Variants in ATP2C1 observed in about 807,000 individuals in gnomAD.
ATP2C1 encodes calcium-transporting ATPase type 2C member 1.
Under a neutral mutation model 120.5 loss-of-function variants are expected in ATP2C1, and 31 were observed. The ratio of observed to expected loss-of-function variants is 0.26; its 90% CI spans 0.19 to 0.35. The LOEUF (loss-of-function observed/expected upper bound fraction) is 0.35. Ranked by LOEUF, ATP2C1 falls within the 10% of genes least tolerant of loss-of-function variation. ATP2C1 has a pLI of 1.00. For missense variants in ATP2C1, 731 were observed against 1,107.5 expected, an observed-to-expected ratio of 0.66 and a Z score of 4.83; for synonymous variants, 351 against 358.7, an observed-to-expected ratio of 0.98 and a Z score of 0.24.
chr3:130,990,798 C>T (rs535879953), intron 20 of ATP2C1, among the ~76,000 whole-genome samples: 1 of 152,066 alleles, frequency 6.6e-6, no homozygotes, highest in Non-Finnish European at 1.5e-5. Context: ...CAACAAGATT[C>T]GCTGTCAAAC....
chr3:130,942,128 A>G (rs769509530), intron 8 of ATP2C1, among the ~76,000 whole-genome samples: 16 of 152,228 alleles, frequency 1.1e-4, no homozygotes, highest in Non-Finnish European at 2.2e-4. Context: ...CTCAGACCAC[A>G]TGGCTTTGGC....
At chr3:130,921,406 C>T (rs1370195731) in intron 2 of ATP2C1, among the ~76,000 whole-genome samples, 1 of 152,118 alleles carries the variant, frequency 6.6e-6, no homozygotes, top group Non-Finnish European at 1.5e-5. Context: ...TTACTACTTC[C>T]TTTCTGATTT....
intron 2 of ATP2C1, among the ~76,000 whole-genome samples, chr3:130,924,249 A>G (rs1427363418): frequency 6.6e-6 from 1 of 151,472 alleles, no homozygotes; most frequent in Non-Finnish European, 1.5e-5. Context: ...CAAGATTTAG[A>G]ACTTGTGGTG....
At position 130,868,049 on chromosome 3, in the gene ATP2C1, G is replaced by A. The variant is rs866253964; in HGVS notation, c.108+17121G>A. 1,182 of 148,920 alleles carry A rather than the reference G, an allele frequency of 7.9e-3. 7 individuals carry two copies. The highest frequency in any genetic ancestry group is 0.029 in the Middle Eastern group (8 of 280). 9.2% of individuals were successfully genotyped at this position (148,920 alleles called of 1,614,324 possible). ...CGTCTGAGAAGTGAGGAGCCCCTCC[G>A]TCCGGCAACCACCCCGTCTGGGAAG... On this transcript the variant is annotated intron_variant, in intron 1 of 26. Transcript: ENST00000504381.
chr3:130,991,112 C>G (rs2062319850), intron 20 of ATP2C1, among the ~76,000 whole-genome samples: 2 of 152,158 alleles, frequency 1.3e-5, no homozygotes, highest in African/African-American at 4.8e-5. Context: ...GAGAAAGGAA[C>G]TGAGCCCTGG....
rs185649080 is a variant in ATP2C1 at position 130,931,685 on chromosome 3, T to A, written c.118-337T>A. On this transcript the variant is annotated intron_variant, in intron 3 of 27. Transcript: ENST00000510168. ...TCTGCCTTTTTGTTTACATTTTTTT[T>A]AAAAAATCAATTTTGTTGAGATATA... Among the ~76,000 whole-genome samples the A allele has an allele frequency of 4.1e-3, 622 of 152,208 alleles. 2 individuals are homozygous for A. The highest frequency in any genetic ancestry group is 6.8e-3 in the Middle Eastern group (2 of 294).
chr3:130,888,813 G>A (rs2069066787), intron 1 of ATP2C1, among the ~76,000 whole-genome samples: 2 of 152,082 alleles, frequency 1.3e-5, no homozygotes, highest in African/African-American at 4.8e-5. Context: ...CTGATTTTTG[G>A]TTCTTGTGAT....
intron 2 of ATP2C1, chr3:130,918,359 T>A (rs1377338364): frequency 6.5e-7 from 1 of 1,545,688 alleles, no homozygotes; most frequent in Non-Finnish European, 8.9e-7. Context: ...TCCCACACTT[T>A]GCACATCGGA....
chr3:130,929,530 A>G (rs940041222), intron 2 of ATP2C1, among the ~76,000 whole-genome samples: 5 of 152,330 alleles, frequency 3.3e-5, no homozygotes, highest in African/African-American at 9.6e-5. Context: ...TCTGGGCAGT[A>G]AGATGATAAT....
chr3:130,872,383 A>G (rs571527728), intron 1 of ATP2C1, among the ~76,000 whole-genome samples: 1 of 152,300 alleles, frequency 6.6e-6, no homozygotes, highest in East Asian at 1.9e-4. Context: ...TTTTAGGTTT[A>G]GGACATATGT....
intron 18 of ATP2C1, among the ~76,000 whole-genome samples, chr3:130,978,236 A>T (rs2061611009): frequency 6.6e-6 from 1 of 152,070 alleles, no homozygotes; most frequent in Non-Finnish European, 1.5e-5. Context: ...TAGGTATATG[A>T]CTCTTACTTT....
At chr3:131,010,025 G>C (rs1001189597) in intron 26 of ATP2C1, among the ~76,000 whole-genome samples, 1 of 152,118 alleles carries the variant, frequency 6.6e-6, no homozygotes, top group Admixed American at 6.6e-5. Flanking sequence ...CAAACAGCAT[G>C]TGGTAGAGAG....
chr3:130,877,969 T>A (rs2068660792), intron 1 of ATP2C1, among the ~76,000 whole-genome samples: 1 of 151,930 alleles, frequency 6.6e-6, no homozygotes, highest in Non-Finnish European at 1.5e-5. Context: ...TAAAAAAGGA[T>A]GAGCTCATGT....
chr3:130,887,942 C>T lies in ATP2C1; in HGVS notation c.108+37014C>T, dbSNP rs570691691. On this transcript the variant is annotated intron_variant, in intron 1 of 26. Coordinates refer to the ATP2C1 transcript ENST00000504381. ...CCACAGCTGGCAATGTTCTGGGTCT[C>T]ACTTGAAGACACGTCTCAGAGTCTC... Among the ~76,000 whole-genome samples the T allele has an allele frequency of 2.0e-5, 3 of 152,332 alleles. No homozygotes were observed. In the East Asian group the frequency reaches 5.8e-4, roughly 29 times the overall value.
At chr3:130,875,001 A>T (rs564807991) in intron 1 of ATP2C1, among the ~76,000 whole-genome samples, 1 of 152,322 alleles carries the variant, frequency 6.6e-6, no homozygotes, top group South Asian at 2.1e-4. Context: ...TTTAGTTCAC[A>T]TGTAATAGTT....
rs1385460657 is a variant in ATP2C1 at position 130,998,329 on chromosome 3, A to G, written c.2427A>G (p.Thr809=). Residue 809 remains threonine (T), a synonymous_variant, in exon 26 of 28, where the codon ACA becomes ACG. Coordinates refer to ENST00000510168, the MANE Select transcript of ATP2C1 (RefSeq NM_001378687.1). ...ATGTGATTACACCTCGAGACACAACAATGACCTTCACATGCTTTGTGTTTT... is the reference window on the plus strand; with the variant it reads ...ATGTGATTACACCTCGAGACACAACGATGACCTTCACATGCTTTGTGTTTT... ...RDNVITPRDT[T]MTFTCFVFFD... is the part of the protein sequence containing the mutation. 6.2e-7 allele frequency: 1 copy of G among 1,613,072 alleles called. No homozygotes were observed. Among genetic ancestry groups the G allele is most frequent in the South Asian group, 1.1e-5 (1 of 91,070 alleles).
intron 2 of ATP2C1, among the ~76,000 whole-genome samples, chr3:130,926,483 GT>G: frequency 6.6e-6 from 1 of 152,344 alleles, no homozygotes; most frequent in South Asian, 2.1e-4. Flanking sequence ...CCCAGTATGT[GT>G]TAATATATGG....
intron 17 of ATP2C1, among the ~76,000 whole-genome samples, chr3:130,970,479 C>T (rs112833319): frequency 0.017 from 2,655 of 151,916 alleles, 61 homozygotes; most frequent in South Asian, 0.058. Context: ...GCAACCTCAA[C>T]CTCCCCTGGC....
At chr3:130,949,691 G>A (rs1348968700) in intron 8 of ATP2C1, among the ~76,000 whole-genome samples, 1 of 152,046 alleles carries the variant, frequency 6.6e-6, no homozygotes, top group East Asian at 1.9e-4. Flanking sequence ...ATCTACCACG[G>A]GATAAAATTA....
Sources: allele counts gnomAD v4.1 joint callset (sites outside exome capture counted in the v4.1 genomes callset), GRCh38; gene constraint gnomAD v4.1.1; transcripts MANE v1.5; gene names NCBI Gene and HGNC (gene_info 2026-07-23, HGNC 2026-07-21).